ADCY10: variants seen among roughly 807,000 people sequenced by gnomAD.
The protein encoded by ADCY10 is adenylate cyclase type 10.
ADCY10 carries 156 observed loss-of-function variants against 183.3 expected under a neutral mutation model. The ratio of observed to expected loss-of-function variants is 0.85; its 90% CI spans 0.75 to 0.97. The LOEUF (loss-of-function observed/expected upper bound fraction) is 0.97. Ranked by LOEUF, ADCY10 falls within the 50% of genes least tolerant of loss-of-function variation. The pLI is 0.00. For missense variants in ADCY10, 1,745 were observed against 1,934.3 expected (o/e 0.90, Z 1.84); for synonymous variants, 645 against 670.0 (o/e 0.96, Z 0.58).
chr1:167,847,008 C>A (rs1665086788), intron 19 of ADCY10, among the ~76,000 whole-genome samples: 2 of 151,946 alleles, frequency 1.3e-5, no homozygotes, highest in South Asian at 4.2e-4. Context: ...TCACTGCAAC[C>A]TCCGCCTCCT....
At chr1:167,837,033 A>T (rs1664260686) in intron 22 of ADCY10, 1 of 576,738 alleles carries the variant, frequency 1.7e-6, no homozygotes, top group Admixed American at 2.6e-5. Flanking sequence ...TTGAAAAAAT[A>T]AATAAATAAA....
intron 12 of ADCY10, among the ~76,000 whole-genome samples, chr1:167,877,317 A>G (rs1000777980): frequency 6.6e-6 from 1 of 151,302 alleles, no homozygotes; most frequent in South Asian, 2.1e-4. Context: ...CTCACTAAAA[A>G]TTATTATTCA....
chr1:167,863,544 G>C (rs61806994), intron 14 of ADCY10, among the ~76,000 whole-genome samples: 22,322 of 152,112 alleles, frequency 0.15, 1,684 homozygotes, highest in Non-Finnish European at 0.16. Context: ...GGTGTCTGAG[G>C]GGTTTTGTCT....
chr1:167,841,903 A>C (rs1027634754), intron 21 of ADCY10, among the ~76,000 whole-genome samples: 10 of 152,240 alleles, frequency 6.6e-5, no homozygotes, highest in Non-Finnish European at 1.2e-4. Context: ...ATAATTGTGG[A>C]ATGAGTAAAT....
chr1:167,829,738 G>A (rs139836729), intron 25 of ADCY10, among the ~76,000 whole-genome samples: 1 of 152,300 alleles, frequency 6.6e-6, no homozygotes, highest in East Asian at 1.9e-4. Flanking sequence ...ATTTGATTCT[G>A]ATGACAATCC....
chr1:167,851,469 G>A (rs1226454352), intron 18 of ADCY10, among the ~76,000 whole-genome samples: 3 of 152,080 alleles, frequency 2.0e-5, no homozygotes, highest in Non-Finnish European at 1.5e-5. Context: ...TTATAGGTGT[G>A]GGCCACTGCA....
At chr1:167,876,022 C>T (rs910196676) in intron 12 of ADCY10, among the ~76,000 whole-genome samples, 21 of 152,066 alleles carry the variant, frequency 1.4e-4, no homozygotes, top group African/African-American at 3.9e-4. Context: ...TTTGGGAGGC[C>T]GAGGCAGGTG....
chr1:167,898,531 G>A (rs908947324), intron 6 of ADCY10, among the ~76,000 whole-genome samples: 2 of 152,004 alleles, frequency 1.3e-5, no homozygotes, highest in Non-Finnish European at 2.9e-5. Context: ...CCCGGGAGGC[G>A]GAGGTTGCAG....
intron 8 of ADCY10, among the ~76,000 whole-genome samples, chr1:167,890,170 A>T (rs1204542405): frequency 6.6e-6 from 1 of 152,038 alleles, no homozygotes; most frequent in Non-Finnish European, 1.5e-5. Context: ...GTAGTCTTTG[A>T]CATTTAGGAC....
intron 21 of ADCY10, 177 bp downstream of exon 21, chr1:167,845,386 G>A: frequency 1.5e-6 from 1 of 668,766 alleles, no homozygotes; most frequent in Non-Finnish European, 2.6e-6. Flanking sequence ...CTCAATACAG[G>A]TACATTCCCT....
chr1:167,887,937 C>T (rs918793834), intron 8 of ADCY10, among the ~76,000 whole-genome samples: 8 of 152,024 alleles, frequency 5.3e-5, no homozygotes, highest in African/African-American at 1.9e-4. Context: ...GTCTCAAAGT[C>T]CATTTTGACT....
At chr1:167,909,453 G>C (rs564496187) in intron 1 of ADCY10, among the ~76,000 whole-genome samples, 3 of 152,174 alleles carry the variant, frequency 2.0e-5, no homozygotes, top group African/African-American at 4.8e-5. Context: ...GTACAGGCTT[G>C]TCCAAGCTAT....
chr1:167,898,698 G>C (rs907565634), intron 6 of ADCY10, among the ~76,000 whole-genome samples: 2 of 152,104 alleles, frequency 1.3e-5, no homozygotes, highest in Admixed American at 1.3e-4. Context: ...GGAAGAGTGA[G>C]GAGTGGGTGG....
intron 8 of ADCY10, 103 bp from the exon 9 acceptor site, chr1:167,883,731 T>C (rs987025147): frequency 4.8e-6 from 5 of 1,037,086 alleles, no homozygotes; most frequent in Admixed American, 3.7e-5. Flanking sequence ...AATGTCTACC[T>C]CAGAATGGGT....
chr1:167,861,143 C>G, intron 14 of ADCY10, 80 bp from the exon 15 acceptor site: 1 of 1,207,748 alleles, frequency 8.3e-7, no homozygotes, highest in Non-Finnish European at 1.2e-6. Context: ...AAGGAAAGCT[C>G]TGTCTTCTCA....
chr1:167,883,472 G>A lies in ADCY10; in HGVS notation c.985C>T (p.Gln329Ter). ...MHITSVLKIFQGQINKVFMFD... is the reference protein window; with the variant it reads ...MHITSVLKIF ...ATGAAGACTTTATTGATTTGGCCTT[G>A]GAAGATCTTCAGGACAGAAGTGATG... Residue 329 changes from glutamine (Q) to a stop codon, truncating the protein, a stop_gained, in exon 9 of 33, where the codon CAA becomes TAA. Transcript: ENST00000367851. LOFTEE classifies it high-confidence loss of function. 6.2e-7 allele frequency: 1 copy of A among 1,614,192 alleles called. No individual in the cohort carries two copies. The highest frequency in any genetic ancestry group is 8.5e-7 in the Non-Finnish European group (1 of 1,180,034).
chr1:167,833,219 T>A, intron 24 of ADCY10, 57 bp from the exon 25 acceptor site: 2 of 1,499,166 alleles, frequency 1.3e-6, no homozygotes, highest in Non-Finnish European at 1.9e-6. Flanking sequence ...TCTAACTTAA[T>A]TAGTAGGTCC....
At chr1:167,824,917 A>G (rs901917313) in intron 26 of ADCY10, 62 bp from the exon 27 acceptor site, 48 of 1,438,020 alleles carry the variant, frequency 3.3e-5, no homozygotes, top group Admixed American at 1.0e-4. Context: ...CAGGAACATC[A>G]CTCAATGTCT....
intron 24 of ADCY10, among the ~76,000 whole-genome samples, 161 bp from the exon 25 acceptor site, chr1:167,833,323 T>C (rs1029719467): frequency 1.3e-5 from 2 of 152,170 alleles, no homozygotes; most frequent in Non-Finnish European, 2.9e-5. Flanking sequence ...AAAATGTCTA[T>C]TGGATATATG....
Sources: allele counts gnomAD v4.1 joint callset (sites outside exome capture counted in the v4.1 genomes callset), GRCh38; gene constraint gnomAD v4.1.1; transcripts MANE v1.5; gene names NCBI Gene and HGNC (gene_info 2026-07-23, HGNC 2026-07-21).